The following TET3 variants were observed in gnomAD, a reference collection of about 807,000 sequenced individuals.
TET3 encodes the protein tet methylcytosine dioxygenase 3.
Under a neutral mutation model 141.4 loss-of-function variants are expected in TET3, and 19 were observed. That is an observed-to-expected ratio of 0.13 (90% CI 0.09 to 0.20). The LOEUF (loss-of-function observed/expected upper bound fraction) is 0.20, where lower values mean the gene tolerates loss of function less well. TET3 is among the 10% of genes least tolerant of loss of function. The pLI, the probability that TET3 is intolerant of heterozygous loss-of-function variation, is 1.00. For missense variants in TET3, 1,874 were observed against 2,356.9 expected, an observed-to-expected ratio of 0.80 and a Z score of 4.24; for synonymous variants, 1,043 against 980.9, an observed-to-expected ratio of 1.06 and a Z score of -1.18.
chr2:73,992,305 C>CTT (rs567880207), intron 2 of TET3, among the ~76,000 whole-genome samples: 2 of 144,096 alleles, frequency 1.4e-5, no homozygotes. Context: ...TTTTTCTTTT[C>CTT]TTTTTTTTTT....
chr2:74,090,533 G>A (rs1463122017), intron 8 of TET3, among the ~76,000 whole-genome samples: 1 of 152,238 alleles, frequency 6.6e-6, no homozygotes, highest in African/African-American at 2.4e-5. Flanking sequence ...GGCCCTTGCA[G>A]TCTCCATGCT....
chr2:74,120,374 G>A, the TET3 span, among the ~76,000 whole-genome samples: 1 of 152,254 alleles, frequency 6.6e-6, no homozygotes, highest in Non-Finnish European at 1.5e-5. Context: ...GATGGCGGGC[G>A]ACGTCCGTAC....
intron 7 of TET3, 137 bp downstream of exon 7, chr2:74,088,175 G>A (rs1690264400): frequency 1.1e-6 from 1 of 916,906 alleles, no homozygotes; most frequent in Non-Finnish European, 1.6e-6. Context: ...AGTTAGGACT[G>A]TGGTTGAGGA....
chr2:74,105,627 C>G lies in TET3; in HGVS notation c.*3451C>G, dbSNP rs919337804. ...CGTGGAAAGAGATGATACCCCACCG[C>G]CCCCTCTTGGTCCTTCCACCAGCCT... is the stretch of plus-strand genomic sequence containing the variant. On this transcript the variant is annotated 3_prime_UTR_variant, in exon 12 of 12. Coordinates refer to ENST00000409262, the MANE Select transcript of TET3 (RefSeq NM_001287491.2). The G allele has an allele frequency of 1.1e-5, 4 of 373,902 alleles. No homozygotes were observed. Among genetic ancestry groups the G allele is most frequent in the Non-Finnish European group, 1.9e-5 (4 of 210,294 alleles). 23.2% of individuals were successfully genotyped at this position (373,902 alleles called of 1,614,324 possible).
chr2:74,062,608 A>G (rs188633055), intron 4 of TET3, among the ~76,000 whole-genome samples: 12 of 152,316 alleles, frequency 7.9e-5, no homozygotes, highest in South Asian at 2.1e-4. Flanking sequence ...AAAACATACT[A>G]TAGATTTTCC....
rs1684944139 is a variant in TET3 at position 74,002,992 on chromosome 2, C to G, written c.304-118C>G. 5.6e-6 allele frequency: 6 copies of G among 1,076,582 alleles called. No homozygotes were observed. In the East Asian group the frequency reaches 1.5e-4, roughly 28 times the overall value. 66.7% of individuals were successfully genotyped at this position (1,076,582 alleles called of 1,614,324 possible). ...TCCCAGATAGCCTTTCTTTCCCAGG[C>G]TGTATCCCCTCCCGTTCGCCTTCTT... On this transcript the variant is annotated intron_variant, in intron 2 of 11. Transcript: ENST00000409262.
intron 3 of TET3, among the ~76,000 whole-genome samples, chr2:74,019,900 T>C (rs1398003382): frequency 1.3e-5 from 2 of 152,198 alleles, no homozygotes; most frequent in Non-Finnish European, 2.9e-5. Flanking sequence ...TAGTGCTAAC[T>C]AGTTGGGAGA....
intron 6 of TET3, among the ~76,000 whole-genome samples, chr2:74,083,175 C>A (rs552267964): frequency 6.6e-6 from 1 of 152,332 alleles, no homozygotes; most frequent in South Asian, 2.1e-4. Flanking sequence ...AGAGAGCCCT[C>A]TGATCATCTG....
At chr2:74,134,465 T>C in the TET3 span, 2 of 290,242 alleles carry the variant, frequency 6.9e-6, no homozygotes, top group South Asian at 6.6e-5. Context: ...CCCTCAAAAA[T>C]CTGGGGCCCA....
chr2:74,091,346 G>A (rs141462277), intron 8 of TET3, among the ~76,000 whole-genome samples: 133 of 152,282 alleles, frequency 8.7e-4, no homozygotes, highest in Middle Eastern at 6.8e-3. Flanking sequence ...GTGCTCTTAC[G>A]ATGTGCTAAG....
At chr2:73,989,629 G>A (rs1684225100) in intron 2 of TET3, among the ~76,000 whole-genome samples, 1 of 149,310 alleles carries the variant, frequency 6.7e-6, no homozygotes, top group Admixed American at 6.6e-5. Flanking sequence ...GGGCCTTCCT[G>A]CCCTAGGAGG....
At chr2:73,996,136 G>C (rs1179621507) in intron 2 of TET3, among the ~76,000 whole-genome samples, 1 of 152,126 alleles carries the variant, frequency 6.6e-6, no homozygotes, top group Non-Finnish European at 1.5e-5. Context: ...CTCTGTTGTG[G>C]GTTTTCTTGT....
chr2:74,092,888 C>A lies in TET3; in HGVS notation c.3040-14C>A, dbSNP rs1209492926. 3.8e-6 allele frequency: 6 copies of A among 1,576,294 alleles called. No homozygotes were observed. In the African/African-American group the frequency reaches 5.4e-5, roughly 14 times the overall value. On this transcript the variant is annotated splice_polypyrimidine_tract_variant and intron_variant, in intron 8 of 11. Coordinates refer to ENST00000409262, the MANE Select transcript of TET3 (RefSeq NM_001287491.2). ...GGGGCTGCTCTGGATGTGTGACTGC[C>A]CCTCTCTCTGCAGGAAGAAGTGCTC...
At chr2:73,992,672 A>G (rs777519319) in intron 2 of TET3, among the ~76,000 whole-genome samples, 2 of 152,140 alleles carry the variant, frequency 1.3e-5, no homozygotes, top group Non-Finnish European at 2.9e-5. Flanking sequence ...TGGTGAACTC[A>G]TGGTGAATTA....
At chr2:74,026,485 C>G (rs983688888) in intron 3 of TET3, among the ~76,000 whole-genome samples, 1 of 152,110 alleles carries the variant, frequency 6.6e-6, no homozygotes, top group Non-Finnish European at 1.5e-5. Flanking sequence ...TGCCTGTTCT[C>G]GGACCTAAGG....
In TET3 at chr2:74,101,928, A is replaced by G. The variant is rs755331813; in HGVS notation, c.5140A>G (p.Lys1714Glu). 2.8e-5 allele frequency: 45 copies of G among 1,613,310 alleles called. No homozygotes were observed. The highest frequency in any genetic ancestry group is 3.8e-5 in the Non-Finnish European group (45 of 1,179,686). Residue 1714 changes from lysine (K) to glutamate (E), a missense_variant, in exon 12 of 12, where the codon AAG (lysine) becomes GAG (glutamate). Transcript: ENST00000409262. The surrounding 1 kb of genome is among the most constrained non-coding windows in gnomAD (Gnocchi z 8.5). ...GCTGGCCCTCTGGGAAGCCAAGATGAAGCAGCTGGCGGAGAGGGCACGGGC... is the reference window on the plus strand; with the variant it reads ...GCTGGCCCTCTGGGAAGCCAAGATGGAGCAGCTGGCGGAGAGGGCACGGGC... ...HGLALWEAKM[K>E]QLAERARARQ...
At chr2:74,096,393 C>T (rs534274458) in intron 10 of TET3, among the ~76,000 whole-genome samples, 94 of 152,324 alleles carry the variant, frequency 6.2e-4, no homozygotes, top group Non-Finnish European at 1.0e-3. Context: ...TATAAGTTTT[C>T]TGTTCAGCGT....
intron 3 of TET3, among the ~76,000 whole-genome samples, chr2:74,015,613 A>G (rs1685688484): frequency 6.6e-6 from 1 of 152,188 alleles, no homozygotes; most frequent in Non-Finnish European, 1.5e-5. Flanking sequence ...TGGCTGTATT[A>G]TAATTTAACT....
intron 4 of TET3, among the ~76,000 whole-genome samples, chr2:74,072,738 A>G (rs1294774356): frequency 1.3e-5 from 2 of 152,182 alleles, no homozygotes; most frequent in Admixed American, 6.5e-5. Flanking sequence ...CCCATTAAGC[A>G]ATAACCCCTC....
Sources: allele counts gnomAD v4.1 joint callset (sites outside exome capture counted in the v4.1 genomes callset), GRCh38; gene constraint gnomAD v4.1.1; non-coding constraint Gnocchi (gnomAD v3.1); transcripts MANE v1.5; gene names NCBI Gene and HGNC (gene_info 2026-07-23, HGNC 2026-07-21).